Variants in SLCO3A1 observed in about 807,000 individuals in gnomAD.
SLCO3A1 encodes the protein solute carrier organic anion transporter family member 3A1.
In SLCO3A1, 27 loss-of-function variants were observed where a neutral mutation model predicts 63.1. That is an observed-to-expected ratio of 0.43 (90% CI 0.32 to 0.59). SLCO3A1 has a LOEUF of 0.59. Ranked by LOEUF, SLCO3A1 falls within the 20% of genes least tolerant of loss-of-function variation. SLCO3A1 has a pLI of 0.09. For missense variants in SLCO3A1, 773 were observed against 945.8 expected (o/e 0.82, Z 2.40); for synonymous variants, 473 against 409.9 (o/e 1.15, Z -1.86).
rs1164664167 is a variant in SLCO3A1 at position 91,954,440 on chromosome 15, C to T, written c.646+37982C>T. ...TCAGAAGTCCTGCCCTCTGCAGTTT[C>T]CAGGGGCCCAACATTCAATAAATTG... On this transcript the variant is annotated intron_variant, in intron 2 of 9. Coordinates refer to ENST00000318445, the MANE Select transcript of SLCO3A1 (RefSeq NM_013272.4). The surrounding 1 kb of genome is among the most constrained non-coding windows in gnomAD (Gnocchi z 4.7). Among the ~76,000 whole-genome samples, 2 of 152,182 alleles carry T rather than the reference C, an allele frequency of 1.3e-5. No individual in the cohort carries two copies. Among genetic ancestry groups the T allele is most frequent in the South Asian group, 4.1e-4 (2 of 4,832 alleles).
chr15:92,005,497 G>T (rs1250224494), intron 2 of SLCO3A1, among the ~76,000 whole-genome samples: 1 of 152,202 alleles, frequency 6.6e-6, no homozygotes, highest in African/African-American at 2.4e-5. Context: ...TCTCTACCTT[G>T]CTGTTGCTGT....
intron 2 of SLCO3A1, among the ~76,000 whole-genome samples, chr15:92,094,312 T>C (rs1255362607): frequency 6.6e-6 from 1 of 152,228 alleles, no homozygotes; most frequent in Non-Finnish European, 1.5e-5. Flanking sequence ...AATTGAAGAA[T>C]TGAAATTAAT....
intron 1 of SLCO3A1, among the ~76,000 whole-genome samples, chr15:91,857,860 C>T (rs1448360133): frequency 6.6e-6 from 1 of 152,052 alleles, no homozygotes; most frequent in African/African-American, 2.4e-5. Context: ...AGGTTGAAAA[C>T]TGAAAAAAGG....
chr15:91,892,083 C>G (rs779043415), intron 1 of SLCO3A1, among the ~76,000 whole-genome samples: 1 of 152,216 alleles, frequency 6.6e-6, no homozygotes, highest in Non-Finnish European at 1.5e-5. Flanking sequence ...CCCCTCCCCC[C>G]AGCTTTGCCC....
At chr15:91,869,753 A>C (rs936448134) in intron 1 of SLCO3A1, among the ~76,000 whole-genome samples, 5 of 152,252 alleles carry the variant, frequency 3.3e-5, no homozygotes, top group Admixed American at 1.3e-4. Flanking sequence ...AGCCAGCCAC[A>C]GGGGTTTAAA....
At chr15:91,889,423 A>T (rs1897815581) in intron 1 of SLCO3A1, among the ~76,000 whole-genome samples, 1 of 152,000 alleles carries the variant, frequency 6.6e-6, no homozygotes, top group African/African-American at 2.4e-5. Context: ...GGGTATCTTG[A>T]CCTTTGGTAG....
chr15:92,122,536 G>A (rs561336735), intron 5 of SLCO3A1, among the ~76,000 whole-genome samples: 6 of 152,316 alleles, frequency 3.9e-5, no homozygotes, highest in South Asian at 4.1e-4. Context: ...ACTGGAACTC[G>A]CATACTTGGC....
intron 1 of SLCO3A1, among the ~76,000 whole-genome samples, chr15:91,905,543 T>C (rs1898275970): frequency 6.6e-6 from 1 of 152,160 alleles, no homozygotes; most frequent in African/African-American, 2.4e-5. Context: ...TTCCGGATAT[T>C]TTGGATCCAT....
chr15:91,972,242 G>A (rs1279880809), intron 2 of SLCO3A1, among the ~76,000 whole-genome samples: 2 of 152,142 alleles, frequency 1.3e-5, no homozygotes, highest in Non-Finnish European at 2.9e-5. Flanking sequence ...GCTGCGCTGG[G>A]TTGGGAGGTG....
chr15:91,891,649 T>C (rs1597095215), intron 1 of SLCO3A1, among the ~76,000 whole-genome samples: 1 of 152,238 alleles, frequency 6.6e-6, no homozygotes, highest in African/African-American at 2.4e-5. Context: ...GTGAATGTCT[T>C]ACAGGGTAAT....
At chr15:91,873,531 T>TACACACAC (rs71912147) in intron 1 of SLCO3A1, among the ~76,000 whole-genome samples, 5,017 of 146,596 alleles carry the variant, frequency 0.034, 132 homozygotes, top group Admixed American at 0.077. Context: ...GCTACATTCA[T>TACACACAC]ACACACACAC....
intron 2 of SLCO3A1, among the ~76,000 whole-genome samples, chr15:92,077,738 G>C (rs767006969): frequency 6.6e-6 from 1 of 152,184 alleles, no homozygotes; most frequent in African/African-American, 2.4e-5. Flanking sequence ...GAGCCAGCAG[G>C]GATATGGCTC....
At chr15:92,113,268 C>T (rs907602828) in intron 4 of SLCO3A1, among the ~76,000 whole-genome samples, 2 of 152,080 alleles carry the variant, frequency 1.3e-5, no homozygotes, top group Non-Finnish European at 2.9e-5. Flanking sequence ...CTAACTGCAC[C>T]TCTGCAGACA....
chr15:92,053,902 G>T (rs184781184), intron 2 of SLCO3A1, among the ~76,000 whole-genome samples: 4 of 152,096 alleles, frequency 2.6e-5, no homozygotes, highest in Admixed American at 2.6e-4. Flanking sequence ...CTGCTGTTTG[G>T]CAGGAAGTCA....
At chr15:92,052,786 C>T (rs2046972928) in intron 2 of SLCO3A1, among the ~76,000 whole-genome samples, 1 of 151,924 alleles carries the variant, frequency 6.6e-6, no homozygotes, top group Admixed American at 6.6e-5. Flanking sequence ...TATACATAGG[C>T]ATAAGTACAT....
At chr15:92,040,277 T>G (rs1170360227) in intron 2 of SLCO3A1, among the ~76,000 whole-genome samples, 1 of 152,220 alleles carries the variant, frequency 6.6e-6, no homozygotes, top group African/African-American at 2.4e-5. Context: ...ATTTTGCATC[T>G]GTCACCTTAA....
At chr15:92,047,593 A>ATAAATATATATATAAATAT (rs1555427744) in intron 2 of SLCO3A1, among the ~76,000 whole-genome samples, 1 of 6,274 alleles carries the variant, frequency 1.6e-4, no homozygotes, top group African/African-American at 3.0e-4. Context: ...ATATATATAT[A>ATAAATATATATATAAATAT]ATATATAATA....
rs1469787800 is a variant in SLCO3A1, at chr15:91,862,489, G to T, written c.180+8401G>T. ...CTGTGCCCATAAACCCATCCCATAG[G>T]CAGTGATGGGACTACCACATTTGTT... On this transcript the variant is annotated intron_variant, in intron 1 of 9. Transcript: ENST00000318445. The surrounding 1 kb of genome is among the most constrained non-coding windows in gnomAD (Gnocchi z 4.0). Among the ~76,000 whole-genome samples the T allele has an allele frequency of 1.3e-5, 2 of 152,094 alleles. No homozygotes were observed. The highest frequency in any genetic ancestry group is 2.4e-5 in the African/African-American group (1 of 41,404).
exon 11 of SLCO3A1, chr15:92,171,924 G>C: frequency 8.0e-7 from 1 of 1,255,374 alleles, no homozygotes; most frequent in Non-Finnish European, 1.1e-6. Flanking sequence ...GACCTCGCGG[G>C]CCTCACTTAG....
Sources: gnomAD v4.1 joint callset for allele counts (sites outside exome capture counted in the v4.1 genomes callset) on GRCh38, gnomAD v4.1.1 for gene constraint, Gnocchi (gnomAD v3.1) non-coding constraint, MANE v1.5 for transcripts, NCBI Gene and HGNC (gene_info 2026-07-23, HGNC 2026-07-21) for gene names.